NAGK: variants seen among roughly 807,000 people sequenced by gnomAD.
The protein encoded by NAGK is N-acetylglucosamine kinase, also known as N-acetyl-D-glucosamine kinase.
NAGK carries 35 observed loss-of-function variants against 42.9 expected under a neutral mutation model. The ratio of observed to expected loss-of-function variants is 0.82; its 90% CI spans 0.62 to 1.08. The LOEUF is 1.08. Ranked by LOEUF, NAGK falls within the 50% of genes least tolerant of loss-of-function variation. NAGK has a pLI of 0.00. For missense variants in NAGK, 446 were observed against 446.0 expected (o/e 1.00, Z 0.00); for synonymous variants, 172 against 176.0 (o/e 0.98, Z 0.18).
chr2:71,075,523 T>C (rs1447035369), intron 6 of NAGK, 32 bp from the exon 7 acceptor site: 3 of 1,556,576 alleles, frequency 1.9e-6, no homozygotes, highest in African/African-American at 2.7e-5. Context: ...CCTTTGCTTC[T>C]GATGACTCTC....
chr2:71,076,400 A>G lies in NAGK; in HGVS notation c.668-204A>G, dbSNP rs913278191. On this transcript the variant is annotated intron_variant, in intron 7 of 9. Coordinates refer to ENST00000244204, the MANE Select transcript of NAGK (RefSeq NM_017567.6). The stretch of plus-strand genomic sequence containing the variant: ...CTGAGTGAGCACCTCTGTACAGGGC[A>G]CCCCTCTACAGAGGGAGGTAGCTGG... The G allele has an allele frequency of 9.6e-6, 5 of 519,610 alleles. No homozygotes were observed. In the African/African-American group the frequency reaches 9.7e-5, roughly 10 times the overall value. The allele number at this position is 519,610 out of a possible 1,614,324, so 32.2% of individuals were successfully genotyped here.
chr2:71,074,301 T>C (rs1672133176), intron 6 of NAGK, among the ~76,000 whole-genome samples: 1 of 151,964 alleles, frequency 6.6e-6, no homozygotes, highest in Admixed American at 6.6e-5. Context: ...TGCTGGGAAG[T>C]AGGGCCTGGA....
In NAGK at chr2:71,076,647, G is replaced by A. The variant is rs1672222827; in HGVS notation, c.711G>A (p.Lys237=). The part of the protein sequence containing the change: ...GDPLSRYIFR[K]AGEMLGRHIV... ...CCCTTTCCCGCTATATCTTCAGGAAGGCTGGGGAGATGCTGGGCAGACACA... is the reference window on the plus strand; with the variant it reads ...CCCTTTCCCGCTATATCTTCAGGAAAGCTGGGGAGATGCTGGGCAGACACA... The change falls in exon 8 of 10, where the codon AAG becomes AAA. Residue 237 remains lysine, a synonymous_variant. Coordinates refer to ENST00000244204, the MANE Select transcript of NAGK (RefSeq NM_017567.6). The A allele has an allele frequency of 6.2e-7, 1 of 1,614,044 alleles. No homozygotes were observed. Among genetic ancestry groups the A allele is most frequent in the South Asian group, 1.1e-5 (1 of 91,064 alleles).
Position 71,076,662 on chromosome 2 carries a change from G to A in NAGK, c.726G>A (p.Leu242=), listed in dbSNP as rs1672223652. Residue 242 remains leucine, a synonymous_variant, in exon 8 of 10, where the codon CTG becomes CTA. Transcript: ENST00000244204. The stretch of plus-strand genomic sequence containing the variant: ...TCTTCAGGAAGGCTGGGGAGATGCT[G>A]GGCAGACACATCGTAGCAGTGTTGC... ...RYIFRKAGEM[L]GRHIVAVLPE... 1 of 1,613,998 alleles carries A rather than the reference G, an allele frequency of 6.2e-7. No individual in the cohort carries two copies. Among genetic ancestry groups the A allele is most frequent in the Non-Finnish European group, 8.5e-7 (1 of 1,179,930 alleles).
In NAGK at chr2:71,071,687, G is replaced by T. The variant is rs765410817; in HGVS notation, c.215G>T (p.Gly72Val). The change falls in exon 4 of 10, where the codon GGC becomes GTC. Residue 72 changes from glycine to valine, a missense_variant and splice_region_variant. Gly to Val is a moderately radical substitution (Grantham distance 109). Coordinates refer to ENST00000244204, the MANE Select transcript of NAGK (RefSeq NM_017567.6). ...VDPLVPLRSL[G>V]LSLSGGDQED... is the part of the protein sequence containing the mutation. Reference sequence around the variant, plus strand: ...TCGCTCACCTCCCGCGTGGCCTAGGGCCTATCTCTGAGCGGTGGGGACCAG... The same window carrying T: ...TCGCTCACCTCCCGCGTGGCCTAGGTCCTATCTCTGAGCGGTGGGGACCAG... 6.2e-7 allele frequency: 1 copy of T among 1,612,686 alleles called. No homozygotes were observed. The highest frequency in any genetic ancestry group is 1.3e-5 in the African/African-American group (1 of 74,898).
rs567755231 is a variant in NAGK at position 71,075,730 on chromosome 2, C to A, written c.667+88C>A. The stretch of plus-strand genomic sequence containing the variant: ...TTGAGTGGGGTTCAGACAGGACTGA[C>A]AACAATTTTCCTCTCACCAAGTGAC... On this transcript the variant is annotated intron_variant, in intron 7 of 9. Coordinates refer to ENST00000244204, the MANE Select transcript of NAGK (RefSeq NM_017567.6). The A allele has an allele frequency of 5.5e-5, 71 of 1,302,354 alleles. No homozygotes were observed. The African/African-American group carries it at 8.9e-4, about 16-fold the overall frequency. The allele number at this position is 1,302,354 out of a possible 1,614,324, so 80.7% of individuals were successfully genotyped here.
In NAGK at chr2:71,070,798, C is replaced by A; in HGVS notation, c.172C>A (p.Arg58=). ...RINEMVNRAK[R]KAGVDPLVPL... is the part of the protein sequence containing the mutation. Reference sequence around the variant, plus strand: ...CAATGAGATGGTGAACAGGGCCAAACGGAAAGCAGGGGTGGATCCTCTGGT... The same window carrying A: ...CAATGAGATGGTGAACAGGGCCAAAAGGAAAGCAGGGGTGGATCCTCTGGT... Residue 58 remains arginine, a synonymous_variant, in exon 3 of 10, where the codon CGG becomes AGG. Transcript: ENST00000244204. The A allele has an allele frequency of 1.2e-6, 2 of 1,614,136 alleles. No homozygotes were observed. Among genetic ancestry groups the A allele is most frequent in the South Asian group, 2.2e-5 (2 of 91,082 alleles).
chr2:71,071,150 A>T (rs1671988332), intron 3 of NAGK: 1 of 384,884 alleles, frequency 2.6e-6, no homozygotes, highest in Admixed American at 3.7e-5. Context: ...CTCATTTGGA[A>T]AATGTGAATA....
chr2:71,073,571 CA>C lies in NAGK; in HGVS notation c.557del (p.Gln186ArgfsTer13). On this transcript the variant is annotated frameshift_variant, in exon 6 of 10. Transcript: ENST00000244204. LOFTEE classifies it high-confidence loss of function. ...TCCTCATGATATCGGCTACGTCAAA[CA>C]GGCCATGTTCCACTATTTCCAGGTA... The part of the protein sequence containing the change: ...AAPHDIGYVK[Q>X]AMFHYFQVPD... 1 of 1,613,818 alleles carries C rather than the reference CA, an allele frequency of 6.2e-7. No homozygotes were observed. Among genetic ancestry groups the C allele is most frequent in the Non-Finnish European group, 8.5e-7 (1 of 1,179,702 alleles).
At position 71,077,553 on chromosome 2, in the gene NAGK, C is replaced by T. The variant is rs765396638; in HGVS notation, c.766-5C>T. On this transcript the variant is annotated splice_region_variant and splice_polypyrimidine_tract_variant and intron_variant, in intron 8 of 9. Transcript: ENST00000244204. ...CCCCATATCCATTTTCTGCTCTCCA[C>T]CCAGGTCTTGTTCCAGGGCAAGATT... is the stretch of plus-strand genomic sequence containing the variant. 2.1e-5 allele frequency: 34 copies of T among 1,603,768 alleles called. No homozygotes were observed. The highest frequency in any genetic ancestry group is 2.8e-5 in the Non-Finnish European group (33 of 1,175,204).
chr2:71,068,369 T>G, upstream of NAGK: 1 of 939,230 alleles, frequency 1.1e-6, no homozygotes, highest in Middle Eastern at 3.5e-4. Flanking sequence ...CCGACCGACC[T>G]AGATACCCCT....
intron 7 of NAGK, 132 bp downstream of exon 7, chr2:71,075,774 C>CCAAGGCCAGTGG: frequency 1.1e-6 from 1 of 884,758 alleles, no homozygotes; most frequent in Non-Finnish European, 1.8e-6. Flanking sequence ...TCTGCCACCA[C>CCAAGGCCAGTGG]TGGCCTTGGT....
intron 4 of NAGK, 47 bp downstream of exon 4, chr2:71,071,874 G>T (rs1174470743): frequency 6.2e-7 from 1 of 1,607,300 alleles, no homozygotes; most frequent in Non-Finnish European, 8.5e-7. Context: ...GTTTTTTTGG[G>T]AAAGCCCCTT....
chr2:71,069,529 C>A (rs1257596301), intron 1 of NAGK: 1 of 152,310 alleles, frequency 6.6e-6, no homozygotes, highest in Non-Finnish European at 1.5e-5. Flanking sequence ...GATTCACAGA[C>A]CCCAAAGTCT....
In NAGK at chr2:71,071,760, C is replaced by T. The variant is rs1467254035; in HGVS notation, c.288C>T (p.Pro96=). 3 of 1,614,078 alleles carry T rather than the reference C, an allele frequency of 1.9e-6. No homozygotes were observed. The highest frequency in any genetic ancestry group is 1.1e-5 in the South Asian group (1 of 91,096). The change falls in exon 4 of 10, where the codon CCC becomes CCT. Residue 96 remains proline, a synonymous_variant. Transcript: ENST00000244204. Reference sequence around the variant, plus strand: ...TCGAGGAGCTGAGGGACCGATTTCCCTACCTGAGTGAAAGCTACTTAATCA... The same window carrying T: ...TCGAGGAGCTGAGGGACCGATTTCCTTACCTGAGTGAAAGCTACTTAATCA... ...ILIEELRDRF[P]YLSESYLITT...
chr2:71,073,560 G>A lies in NAGK; in HGVS notation c.545G>A (p.Gly182Asp). ...DNLEAAPHDI[G>D]YVKQAMFHYF... ...CTAGAGGCGGCTCCTCATGATATCGGCTACGTCAAACAGGCCATGTTCCAC... is the reference window on the plus strand; with the variant it reads ...CTAGAGGCGGCTCCTCATGATATCGACTACGTCAAACAGGCCATGTTCCAC... The change falls in exon 6 of 10, where the codon GGC becomes GAC. Residue 182 changes from glycine to aspartate, a missense_variant. By Grantham distance (94) the Gly-to-Asp change is moderately conservative. Transcript: ENST00000244204. 1.2e-6 allele frequency: 2 copies of A among 1,614,034 alleles called. No homozygotes were observed. Among genetic ancestry groups the A allele is most frequent in the South Asian group, 1.1e-5 (1 of 91,090 alleles).
chr2:71,068,603 G>A, upstream of NAGK: 2 of 1,525,030 alleles, frequency 1.3e-6, no homozygotes, highest in East Asian at 2.7e-5. Context: ...AAGTGGGGCG[G>A]TGCCCAGACA....
rs2103728711 is a variant in NAGK at position 71,078,963 on chromosome 2, G to A, written c.*455G>A. ...GTGCTCACCATTCAGAACATCACAG[G>A]GAGTAACCTTAGGTATATCACACCC... On this transcript the variant is annotated 3_prime_UTR_variant, in exon 10 of 10. Transcript: ENST00000244204. 6.3e-6 allele frequency: 1 copy of A among 158,224 alleles called. No individual in the cohort carries two copies. Among genetic ancestry groups the A allele is most frequent in the South Asian group, 1.8e-4 (1 of 5,492 alleles). 9.8% of individuals were successfully genotyped at this position (158,224 alleles called of 1,614,324 possible).
chr2:71,073,859 G>A (rs1220966087), intron 6 of NAGK, among the ~76,000 whole-genome samples: 1 of 152,142 alleles, frequency 6.6e-6, no homozygotes, highest in East Asian at 1.9e-4. Context: ...TCATTCTTGG[G>A]CAGCTAGAAC....
Sources: allele counts gnomAD v4.1 joint callset (sites outside exome capture counted in the v4.1 genomes callset), GRCh38; gene constraint gnomAD v4.1.1; transcripts MANE v1.5; gene names NCBI Gene and HGNC (gene_info 2026-07-23, HGNC 2026-07-21).